Variants in PDIA6 observed in about 807,000 individuals in gnomAD.
The protein encoded by PDIA6 is protein disulfide isomerase family A member 6.
In PDIA6, 29 loss-of-function variants were observed where a neutral mutation model predicts 58.4. The ratio of observed to expected loss-of-function variants is 0.50; its 90% CI spans 0.37 to 0.68. The LOEUF is 0.68. Ranked by LOEUF, PDIA6 falls within the 30% of genes least tolerant of loss-of-function variation. The pLI is 0.00. For missense variants in PDIA6, 480 were observed against 551.0 expected (o/e 0.87, Z 1.29); for synonymous variants, 192 against 202.6 (o/e 0.95, Z 0.44).
upstream of PDIA6, chr2:10,812,811 G>C: frequency 1.3e-5 from 15 of 1,191,922 alleles, no homozygotes; most frequent in African/African-American, 3.2e-5. Flanking sequence ...GGTGGTCCGA[G>C]GGGCGGCCGC....
chr2:10,827,557 C>T (rs1371341023), intron 1 of PDIA6, among the ~76,000 whole-genome samples: 1 of 152,006 alleles, frequency 6.6e-6, no homozygotes, highest in Non-Finnish European at 1.5e-5. Flanking sequence ...GATGTGGTGG[C>T]TCACACTTGT....
chr2:10,799,816 A>T (rs1409062582), intron 2 of PDIA6, among the ~76,000 whole-genome samples: 1 of 151,894 alleles, frequency 6.6e-6, no homozygotes, highest in Admixed American at 6.6e-5. Context: ...ACATATAAAT[A>T]TGGCATACAG....
intron 1 of PDIA6, among the ~76,000 whole-genome samples, chr2:10,820,014 A>C (rs544786764): frequency 6.6e-6 from 1 of 152,238 alleles, no homozygotes; most frequent in Non-Finnish European, 1.5e-5. Context: ...GTTAGATATG[A>C]CTAGTCTCAC....
At chr2:10,831,603 A>G (rs2148584254) in intron 1 of PDIA6, among the ~76,000 whole-genome samples, 1 of 152,280 alleles carries the variant, frequency 6.6e-6, no homozygotes, top group East Asian at 1.9e-4. Context: ...AGATCCAGCT[A>G]CGATGTGCCC....
At chr2:10,816,077 CTTTTTTT>C (rs57404091), upstream of PDIA6, among the ~76,000 whole-genome samples, 10,543 of 96,516 alleles carry the variant, frequency 0.11, 553 homozygotes, top group Middle Eastern at 0.15. Context: ...AATCATTTGT[CTTTTTTT>C]TTTTTTTTTT....
chr2:10,785,637 A>G (rs2148529168), intron 11 of PDIA6, among the ~76,000 whole-genome samples: 1 of 152,378 alleles, frequency 6.6e-6, no homozygotes, highest in African/African-American at 2.4e-5. Flanking sequence ...ACCTATTATT[A>G]GAAAAAAAAA....
chr2:10,806,316 G>A (rs1379537352), intron 1 of PDIA6, among the ~76,000 whole-genome samples: 1 of 150,110 alleles, frequency 6.7e-6, no homozygotes, highest in East Asian at 2.0e-4. Flanking sequence ...TACGGGTGCA[G>A]TGGGCTGTGA....
At chr2:10,806,631 A>G (rs1572683317) in intron 1 of PDIA6, among the ~76,000 whole-genome samples, 1 of 118,812 alleles carries the variant, frequency 8.4e-6, no homozygotes, top group Middle Eastern at 4.9e-3. Flanking sequence ...ATAAAGACAG[A>G]AAGAAAGAAA....
At position 10,802,491 on chromosome 2, in the gene PDIA6, A is replaced by T. The variant is rs764494268; in HGVS notation, c.161+8T>A. The T allele has an allele frequency of 2.7e-5, 37 of 1,346,644 alleles. No homozygotes were observed. In the Middle Eastern group the frequency reaches 1.2e-3, roughly 43 times the overall value. The allele number at this position is 1,346,644 out of a possible 1,614,324, so 83.4% of individuals were successfully genotyped here. On this transcript the variant is annotated splice_region_variant and intron_variant, in intron 2 of 12. Transcript: ENST00000272227. ...ATAAATAATCTACAACTATTTTATA[A>T]TACTTACCATGGAGCATAGAATTCT...
intron 8 of PDIA6, 144 bp downstream of exon 8, chr2:10,789,605 C>CT (rs1013019368): frequency 1.2e-5 from 8 of 664,586 alleles, no homozygotes; most frequent in Admixed American, 3.3e-5. Context: ...ATTTATCAGA[C>CT]TTTTTTTCCA....
At position 10,802,660 on chromosome 2, in the gene PDIA6, T is replaced by C; in HGVS notation, c.20-20A>G. The stretch of plus-strand genomic sequence containing the variant: ...CCAGACCTGAAGATAAAAACAAAAG[T>C]GCACCATTAACAGCACTGTTCATGC... On this transcript the variant is annotated intron_variant, in intron 1 of 12. Transcript: ENST00000272227. 7 of 1,414,466 alleles carry C rather than the reference T, an allele frequency of 4.9e-6. No individual in the cohort carries two copies. The highest frequency in any genetic ancestry group is 6.5e-6 in the Non-Finnish European group (7 of 1,080,596). The allele number at this position is 1,414,466 out of a possible 1,614,324, so 87.6% of individuals were successfully genotyped here.
At chr2:10,835,880 G>A (rs1175174119), upstream of PDIA6, among the ~76,000 whole-genome samples, 3 of 152,118 alleles carry the variant, frequency 2.0e-5, no homozygotes, top group Admixed American at 6.5e-5. Context: ...GTGAAATCCC[G>A]TCTCTACTAA....
rs777648419 is a variant in PDIA6 at position 10,785,042 on chromosome 2, A to G, written c.1158-12T>C. On this transcript the variant is annotated splice_polypyrimidine_tract_variant and intron_variant, in intron 11 of 12. Coordinates refer to ENST00000272227, the MANE Select transcript of PDIA6 (RefSeq NM_005742.4). ...CAAAAGAGAGCTCCCTTAGGGAAAA[A>G]TGACCAAAACACACACACACATTTA... is the stretch of plus-strand genomic sequence containing the variant. 1 of 1,543,982 alleles carries G rather than the reference A, an allele frequency of 6.5e-7. No individual in the cohort carries two copies. Among genetic ancestry groups the G allele is most frequent in the Non-Finnish European group, 8.8e-7 (1 of 1,135,220 alleles).
At chr2:10,785,063 ATT>A in intron 11 of PDIA6, 33 bp from the exon 12 acceptor site, 1 of 1,353,570 alleles carries the variant, frequency 7.4e-7, no homozygotes, top group Admixed American at 2.0e-5. Context: ...ACACACACAC[ATT>A]TACAATGGAC....
chr2:10,816,273 A>T (rs1375326380), upstream of PDIA6, among the ~76,000 whole-genome samples: 2 of 151,138 alleles, frequency 1.3e-5, no homozygotes, highest in African/African-American at 4.9e-5. Flanking sequence ...TTTAGTAGAG[A>T]GGGTTTTCAT....
At chr2:10,813,004 C>T (rs1667076524), upstream of PDIA6, among the ~76,000 whole-genome samples, 1 of 152,060 alleles carries the variant, frequency 6.6e-6, no homozygotes, top group African/African-American at 2.4e-5. Context: ...CTGGCAGTCT[C>T]GGCTCGCACC....
chr2:10,818,513 TA>T lies in PDIA6; in HGVS notation c.34+760del, dbSNP rs1342899108. Among the ~76,000 whole-genome samples the T allele has an allele frequency of 3.9e-5, 5 of 129,492 alleles. No homozygotes were observed. The South Asian group carries it at 7.1e-4, about 18-fold the overall frequency. The allele number at this position is 129,492 out of a possible 152,430, so 85.0% of individuals were successfully genotyped here. ...TTATTTATTTATTTATTTATTTATT[TA>T]TTTATTTATTTATTTATTTATTTTG... On this transcript the variant is annotated intron_variant, in intron 2 of 13. Transcript: ENST00000381611.
At chr2:10,787,153 C>G in intron 11 of PDIA6, 128 bp downstream of exon 11, 1 of 801,444 alleles carries the variant, frequency 1.2e-6, no homozygotes, top group Non-Finnish European at 2.1e-6. Flanking sequence ...ACATTCAATT[C>G]TCTGGAATTA....
At chr2:10,821,956 A>AT (rs1553341734) in intron 1 of PDIA6, among the ~76,000 whole-genome samples, 37,516 of 149,582 alleles carry the variant, frequency 0.25, 4,934 homozygotes, top group Non-Finnish European at 0.28. Flanking sequence ...TAAAAAAAAA[A>AT]TTTTTTTGAG....
Sources: gnomAD v4.1 joint callset for allele counts (sites outside exome capture counted in the v4.1 genomes callset) on GRCh38, gnomAD v4.1.1 for gene constraint, MANE v1.5 for transcripts, NCBI Gene and HGNC (gene_info 2026-07-23, HGNC 2026-07-21) for gene names.